MAML3: variants seen among roughly 807,000 people sequenced by gnomAD.
MAML3 encodes mastermind-like protein 3.
MAML3 carries 27 observed loss-of-function variants against 101.9 expected under a neutral mutation model. The ratio of observed to expected loss-of-function variants is 0.27; its 90% CI spans 0.20 to 0.37. The LOEUF (loss-of-function observed/expected upper bound fraction) is 0.37. Ranked by LOEUF, MAML3 falls within the 10% of genes least tolerant of loss-of-function variation. The pLI is 1.00. For synonymous variants in MAML3, 501 were observed against 555.9 expected, an observed-to-expected ratio of 0.90 and a Z score of 1.39; for missense variants, 1,316 against 1,444.9, an observed-to-expected ratio of 0.91 and a Z score of 1.45.
intron 1 of MAML3, among the ~76,000 whole-genome samples, chr4:140,020,973 T>C (rs1726723865): frequency 6.6e-6 from 1 of 152,134 alleles, no homozygotes; most frequent in Admixed American, 6.6e-5. Flanking sequence ...TGAAACAAAC[T>C]GAAGCCAAAT....
chr4:140,093,125 C>T (rs1728091161), intron 1 of MAML3, among the ~76,000 whole-genome samples: 1 of 152,072 alleles, frequency 6.6e-6, no homozygotes, highest in Non-Finnish European at 1.5e-5. Context: ...ATAACTTGGC[C>T]CCAAAGTGTG....
intron 2 of MAML3, among the ~76,000 whole-genome samples, chr4:139,753,354 A>ATCTG (rs1553954181): frequency 6.6e-6 from 1 of 150,752 alleles, no homozygotes; most frequent in Non-Finnish European, 1.5e-5. Context: ...CTATCTATCT[A>ATCTG]TCTATCTATC....
intron 1 of MAML3, among the ~76,000 whole-genome samples, chr4:139,973,860 T>C (rs1048486310): frequency 1.3e-5 from 2 of 152,168 alleles, no homozygotes; most frequent in African/African-American, 4.8e-5. Flanking sequence ...GCAGAGATGA[T>C]AGAATTACCT....
At chr4:139,747,942 T>C (rs1357907863) in intron 2 of MAML3, among the ~76,000 whole-genome samples, 4 of 148,908 alleles carry the variant, frequency 2.7e-5, no homozygotes, top group Non-Finnish European at 1.5e-5. Context: ...TAATCCCAGC[T>C]ACTTGGGAGG....
rs941195835 is a variant in MAML3 at position 139,964,112 on chromosome 4, A to G, written c.469-73145T>C. Among the ~76,000 whole-genome samples, 6 of 152,256 alleles carry G rather than the reference A, an allele frequency of 3.9e-5. No individual in the cohort carries two copies. The South Asian group carries it at 6.2e-4, about 16-fold the overall frequency. ...CATTGCTGGGTATATACCCAAAGGA[A>G]TATAAATCGTTCTACTATAAAGACA... On this transcript the variant is annotated intron_variant, in intron 1 of 4. Transcript: ENST00000509479.
Position 139,990,656 on chromosome 4 carries a change from C to A in MAML3, c.469-99689G>T, listed in dbSNP as rs1347632856. On this transcript the variant is annotated intron_variant, in intron 1 of 4. Coordinates refer to ENST00000509479, the MANE Select transcript of MAML3 (RefSeq NM_018717.5). ...TGATTGTATATCTAGAAAACCCCATCGTCTCAGCCCAAAATCTCCTTAAGC... is the reference window on the plus strand; with the variant it reads ...TGATTGTATATCTAGAAAACCCCATAGTCTCAGCCCAAAATCTCCTTAAGC... Among the ~76,000 whole-genome samples, 4 of 151,378 alleles carry A rather than the reference C, an allele frequency of 2.6e-5. No individual in the cohort carries two copies. In the South Asian group the frequency reaches 6.3e-4, roughly 24 times the overall value.
intron 1 of MAML3, among the ~76,000 whole-genome samples, chr4:140,057,217 A>G (rs967201183): frequency 8.5e-5 from 13 of 152,218 alleles, no homozygotes; most frequent in Admixed American, 7.2e-4. Flanking sequence ...TCAAGGCTGC[A>G]ATGAGCTATG....
intron 1 of MAML3, among the ~76,000 whole-genome samples, chr4:139,965,976 T>A (rs1251224798): frequency 6.6e-6 from 1 of 152,194 alleles, no homozygotes; most frequent in Non-Finnish European, 1.5e-5. Flanking sequence ...TCTGGCCAAG[T>A]AATATAATTA....
intron 1 of MAML3, among the ~76,000 whole-genome samples, chr4:140,112,003 G>A (rs149079308): frequency 8.5e-5 from 13 of 152,176 alleles, no homozygotes; most frequent in East Asian, 5.8e-4. Context: ...CTGATGTTTC[G>A]TCATGATTAG....
chr4:139,956,093 T>C (rs533557884), intron 1 of MAML3, among the ~76,000 whole-genome samples: 1 of 152,358 alleles, frequency 6.6e-6, no homozygotes, highest in South Asian at 2.1e-4. Flanking sequence ...CTACTCAGAA[T>C]ACTGGACTTG....
chr4:139,894,632 T>C (rs1732571152), intron 1 of MAML3, among the ~76,000 whole-genome samples: 1 of 152,176 alleles, frequency 6.6e-6, no homozygotes, highest in Admixed American at 6.5e-5. Flanking sequence ...AAATCTTATA[T>C]TTTTACAACA....
At chr4:140,123,769 G>A (rs777447021) in intron 1 of MAML3, among the ~76,000 whole-genome samples, 31 of 152,290 alleles carry the variant, frequency 2.0e-4, no homozygotes, top group Admixed American at 5.9e-4. Flanking sequence ...TTTTTGTGTA[G>A]GCAGGTGCTG....
At chr4:139,780,667 G>A (rs996675650) in intron 2 of MAML3, among the ~76,000 whole-genome samples, 1 of 137,468 alleles carries the variant, frequency 7.3e-6, no homozygotes, top group Non-Finnish European at 1.5e-5. Context: ...CTCTTGCTCT[G>A]TCACCCAGGC....
intron 1 of MAML3, among the ~76,000 whole-genome samples, chr4:140,097,883 G>C (rs1728189264): frequency 6.6e-6 from 1 of 152,196 alleles, no homozygotes; most frequent in Admixed American, 6.5e-5. Context: ...GCATAGGATA[G>C]AGGGCATGAA....
chr4:140,100,059 G>A (rs11727054), intron 1 of MAML3, among the ~76,000 whole-genome samples: 53 of 136,282 alleles, frequency 3.9e-4, no homozygotes, highest in Non-Finnish European at 4.3e-4. Context: ...TTGAACGACC[G>A]CAGCCCCCAC....
chr4:139,824,457 C>A (rs1731025485), intron 2 of MAML3, among the ~76,000 whole-genome samples: 1 of 152,120 alleles, frequency 6.6e-6, no homozygotes, highest in African/African-American at 2.4e-5. Flanking sequence ...TTCACCCAAG[C>A]CAGGACAACT....
At chr4:140,009,124 A>G (rs1726506742) in intron 1 of MAML3, among the ~76,000 whole-genome samples, 1 of 152,218 alleles carries the variant, frequency 6.6e-6, no homozygotes, top group African/African-American at 2.4e-5. Flanking sequence ...TACTGTACAC[A>G]TGCTCAAATC....
rs549229087 is a variant in MAML3 at position 139,893,110 on chromosome 4, C to T, written c.469-2143G>A. The stretch of plus-strand genomic sequence containing the variant: ...TAGTTCCTTAAAGGTGCTGATACTC[C>T]GGTTTCTCTTCAGAGCCTAGAATTC... On this transcript the variant is annotated intron_variant, in intron 1 of 4. Transcript: ENST00000509479. 2.6e-5 allele frequency among the ~76,000 whole-genome samples: 4 copies of T among 152,214 alleles called. No individual in the cohort carries two copies. The South Asian group carries it at 6.2e-4, about 24-fold the overall frequency.
At chr4:139,948,101 A>AAAATAAGT (rs1553965594) in intron 1 of MAML3, among the ~76,000 whole-genome samples, 1 of 143,140 alleles carries the variant, frequency 7.0e-6, no homozygotes, top group African/African-American at 2.6e-5. Context: ...ACTCCATCTC[A>AAAATAAGT]AAATAAATAA....
Sources: allele counts gnomAD v4.1 joint callset (sites outside exome capture counted in the v4.1 genomes callset), GRCh38; gene constraint gnomAD v4.1.1; transcripts MANE v1.5; gene names NCBI Gene and HGNC (gene_info 2026-07-23, HGNC 2026-07-21).